APBB2: variants seen among roughly 807,000 people sequenced by gnomAD.
APBB2 encodes Fe65-like 1.
In APBB2, 38 loss-of-function variants were observed where a neutral mutation model predicts 82.5. The observed-to-expected ratio is 0.46, with a 90% CI of 0.36 to 0.60. The LOEUF (loss-of-function observed/expected upper bound fraction) is 0.60. Ranked by LOEUF, APBB2 falls within the 20% of genes least tolerant of loss-of-function variation. APBB2 has a pLI of 0.00. For missense variants in APBB2, 772 were observed against 972.3 expected (o/e 0.79, Z 2.74); for synonymous variants, 341 against 368.2 (o/e 0.93, Z 0.85).
chr4:40,957,646 C>T lies in APBB2; in HGVS notation c.836-12573G>A, dbSNP rs143096481. ...TTGCCCCGGCTGGAGTGCAATGGTG[C>T]GATCTCGGCTCACTGCAACCTCTGC... On this transcript the variant is annotated intron_variant, in intron 6 of 17. Coordinates refer to ENST00000508593, the MANE Select transcript of APBB2 (RefSeq NM_004307.2). 1.4e-3 allele frequency among the ~76,000 whole-genome samples: 216 copies of T among 150,022 alleles called. 3 individuals carry two copies. The East Asian group carries it at 0.039, about 27-fold the overall frequency.
chr4:40,979,465 T>C (rs1275013599), intron 6 of APBB2, among the ~76,000 whole-genome samples: 6 of 152,232 alleles, frequency 3.9e-5, no homozygotes, highest in Non-Finnish European at 8.8e-5. Context: ...ATCTCTGAAT[T>C]CTGAGCTTCA....
At chr4:41,168,405 A>T (rs1217134323) in intron 1 of APBB2, among the ~76,000 whole-genome samples, 1 of 151,766 alleles carries the variant, frequency 6.6e-6, no homozygotes, top group Non-Finnish European at 1.5e-5. Flanking sequence ...TCAGACAAAG[A>T]GTCTCGCTCT....
chr4:41,039,268 G>A (rs986863804), intron 4 of APBB2, among the ~76,000 whole-genome samples: 5 of 152,212 alleles, frequency 3.3e-5, no homozygotes, highest in Non-Finnish European at 7.3e-5. Flanking sequence ...GTCTCCACCT[G>A]AAAAATTCAA....
intron 12 of APBB2, among the ~76,000 whole-genome samples, chr4:40,838,809 T>G (rs1754886617): frequency 6.6e-6 from 1 of 152,084 alleles, no homozygotes. Flanking sequence ...AACTACTTAT[T>G]CTCTCCCTAA....
intron 12 of APBB2, among the ~76,000 whole-genome samples, chr4:40,883,168 C>T (rs1434237043): frequency 6.6e-6 from 1 of 152,200 alleles, no homozygotes; most frequent in African/African-American, 2.4e-5. Flanking sequence ...CAGTGGACTG[C>T]AGAGTACTTG....
intron 1 of APBB2, among the ~76,000 whole-genome samples, chr4:41,175,657 T>C (rs947857179): frequency 1.3e-5 from 2 of 152,166 alleles, no homozygotes; most frequent in Non-Finnish European, 2.9e-5. Flanking sequence ...ATAAACACAA[T>C]ATTCAGAGAA....
chr4:40,902,897 T>C (rs1775714266), intron 10 of APBB2, among the ~76,000 whole-genome samples: 1 of 152,170 alleles, frequency 6.6e-6, no homozygotes, highest in South Asian at 2.1e-4. Flanking sequence ...TCCCAACTAC[T>C]TGGGAGGCTG....
chr4:40,901,003 T>G (rs1184785891), intron 10 of APBB2, among the ~76,000 whole-genome samples: 1 of 152,188 alleles, frequency 6.6e-6, no homozygotes, highest in Middle Eastern at 3.2e-3. Flanking sequence ...CACACAGCTC[T>G]GTGGACATGG....
At chr4:41,098,937 T>C (rs1363028334) in intron 3 of APBB2, among the ~76,000 whole-genome samples, 15 of 152,294 alleles carry the variant, frequency 9.8e-5, no homozygotes, top group Admixed American at 8.5e-4. Flanking sequence ...GAATAACAAC[T>C]ACAACACACA....
chr4:40,925,524 C>T (rs182765787), intron 10 of APBB2, among the ~76,000 whole-genome samples: 2 of 152,280 alleles, frequency 1.3e-5, no homozygotes, highest in Admixed American at 1.3e-4. Context: ...AGTATGTATG[C>T]TCCTTTCGCA....
chr4:40,948,950 A>G (rs918453963), intron 6 of APBB2, among the ~76,000 whole-genome samples: 2 of 150,894 alleles, frequency 1.3e-5, no homozygotes, highest in Admixed American at 6.6e-5. Flanking sequence ...GGACTTTATT[A>G]ATTTTATCAG....
At chr4:41,169,895 C>G (rs1767792631) in intron 1 of APBB2, among the ~76,000 whole-genome samples, 1 of 151,382 alleles carries the variant, frequency 6.6e-6, no homozygotes, top group Non-Finnish European at 1.5e-5. Flanking sequence ...GAAACAGGAA[C>G]AGTTAGGAAA....
chr4:40,890,052 GA>G (rs1771517629), intron 12 of APBB2, among the ~76,000 whole-genome samples: 1 of 152,136 alleles, frequency 6.6e-6, no homozygotes, highest in African/African-American at 2.4e-5. Flanking sequence ...GAGAGGAGGG[GA>G]AAAAGGGGTT....
At chr4:40,823,887 A>C in intron 15 of APBB2, 128 bp from the exon 16 acceptor site, 3 of 626,600 alleles carry the variant, frequency 4.8e-6, no homozygotes, top group Non-Finnish European at 8.6e-6. Context: ...CTTCATTCTC[A>C]TGTTTGCTCA....
chr4:40,946,023 A>C (rs1426100277), intron 6 of APBB2, among the ~76,000 whole-genome samples: 5 of 151,996 alleles, frequency 3.3e-5, no homozygotes, highest in African/African-American at 1.2e-4. Flanking sequence ...ACCTGAGGTC[A>C]GGAGTTTGAG....
intron 6 of APBB2, among the ~76,000 whole-genome samples, chr4:41,000,584 G>T (rs546413011): frequency 5.9e-5 from 9 of 152,288 alleles, no homozygotes; most frequent in African/African-American, 1.9e-4. Context: ...GTTGAATCTT[G>T]AAGAAGGAAC....
chr4:40,894,215 A>G (rs530768548), intron 10 of APBB2, among the ~76,000 whole-genome samples: 37 of 151,014 alleles, frequency 2.5e-4, no homozygotes, highest in African/African-American at 8.1e-4. Context: ...GTGAACCCGG[A>G]AGGCAGAGCT....
chr4:41,095,026 C>T (rs899095581), intron 3 of APBB2, among the ~76,000 whole-genome samples: 2 of 152,240 alleles, frequency 1.3e-5, no homozygotes, highest in African/African-American at 4.8e-5. Flanking sequence ...AAGTTAAAAA[C>T]AACACAGGAT....
chr4:40,997,001 A>T (rs1803808483), intron 6 of APBB2, among the ~76,000 whole-genome samples: 1 of 152,170 alleles, frequency 6.6e-6, no homozygotes, highest in South Asian at 2.1e-4. Context: ...GATAGCATGA[A>T]GGAGCTGAAA....
Sources: gnomAD v4.1 joint callset for allele counts (sites outside exome capture counted in the v4.1 genomes callset) on GRCh38, gnomAD v4.1.1 for gene constraint, MANE v1.5 for transcripts, NCBI Gene and HGNC (gene_info 2026-07-23, HGNC 2026-07-21) for gene names.